The following PRKCB variants were observed in gnomAD, a reference collection of about 807,000 sequenced individuals.
PRKCB encodes protein kinase C beta, also known as protein kinase C beta type.
Under a neutral mutation model 81.5 loss-of-function variants are expected in PRKCB, and 13 were observed. That is an observed-to-expected ratio of 0.16 (90% CI 0.10 to 0.25). PRKCB has a LOEUF of 0.25. PRKCB is among the 10% of genes least tolerant of loss of function. The probability of loss-of-function intolerance (pLI) is 1.00; values close to 1 mark genes in which losing one functional copy is unlikely to be tolerated. For missense variants in PRKCB, 509 were observed against 875.7 expected (o/e 0.58, Z 5.29); for synonymous variants, 335 against 321.4 (o/e 1.04, Z -0.45).
chr16:24,135,078 TAA>T (rs35009249), intron 9 of PRKCB, among the ~76,000 whole-genome samples: 14 of 150,134 alleles, frequency 9.3e-5, no homozygotes, highest in Non-Finnish European at 1.2e-4. Flanking sequence ...CCTTGTGATT[TAA>T]AAAAAAAAAT....
At chr16:24,059,763 A>G (rs963659212) in intron 5 of PRKCB, among the ~76,000 whole-genome samples, 2 of 152,198 alleles carry the variant, frequency 1.3e-5, no homozygotes, top group Non-Finnish European at 2.9e-5. Context: ...GGGAAGAGAG[A>G]ATTCAAGAAA....
At chr16:23,921,588 G>T (rs1963825897) in intron 2 of PRKCB, among the ~76,000 whole-genome samples, 1 of 152,154 alleles carries the variant, frequency 6.6e-6, no homozygotes, top group South Asian at 2.1e-4. Context: ...ATCACTTGAG[G>T]CCAGGAGTTC....
chr16:24,037,998 T>A (rs1031268646), intron 5 of PRKCB, among the ~76,000 whole-genome samples: 6 of 151,792 alleles, frequency 4.0e-5, no homozygotes, highest in African/African-American at 1.5e-4. Flanking sequence ...CTGGGCAACA[T>A]GTCGAAACAT....
intron 2 of PRKCB, among the ~76,000 whole-genome samples, chr16:23,878,406 G>A (rs1199202179): frequency 1.3e-5 from 2 of 152,032 alleles, no homozygotes; most frequent in African/African-American, 2.4e-5. Flanking sequence ...TATAACACAC[G>A]CATGACACAT....
chr16:24,011,511 GT>G (rs889686427), intron 3 of PRKCB, among the ~76,000 whole-genome samples: 10 of 151,992 alleles, frequency 6.6e-5, no homozygotes, highest in African/African-American at 2.4e-4. Context: ...TCATTGTTTT[GT>G]TTTGTTTTAT....
chr16:23,889,488 A>G (rs59523784), intron 2 of PRKCB, among the ~76,000 whole-genome samples: 14,091 of 152,282 alleles, frequency 0.093, 698 homozygotes, highest in Middle Eastern at 0.18. Flanking sequence ...ATCATCTATA[A>G]TAGTCATTAA....
At chr16:24,058,091 T>G (rs1965927449) in intron 5 of PRKCB, among the ~76,000 whole-genome samples, 1 of 152,158 alleles carries the variant, frequency 6.6e-6, no homozygotes, top group African/African-American at 2.4e-5. Flanking sequence ...TATTTTTCCT[T>G]CCTTCTTGCA....
intron 5 of PRKCB, among the ~76,000 whole-genome samples, chr16:24,059,902 A>C (rs1209251631): frequency 6.6e-6 from 1 of 152,182 alleles, no homozygotes; most frequent in Non-Finnish European, 1.5e-5. Context: ...GTGGCATAGT[A>C]GGAGTTAAGA....
At chr16:23,919,220 A>G (rs11074589) in intron 2 of PRKCB, among the ~76,000 whole-genome samples, 146,946 of 152,288 alleles carry the variant, frequency 0.96, 70,936 homozygotes, top group East Asian at 1. Context: ...AGTAGAGAAA[A>G]TTTCTGCACA....
At chr16:23,976,419 G>A (rs1335094759) in intron 2 of PRKCB, among the ~76,000 whole-genome samples, 1 of 152,104 alleles carries the variant, frequency 6.6e-6, no homozygotes, top group East Asian at 1.9e-4. Context: ...CAAAAGTCCT[G>A]AAGCTGATTC....
chr16:24,105,012 T>G (rs1966556346), intron 7 of PRKCB, among the ~76,000 whole-genome samples: 1 of 152,168 alleles, frequency 6.6e-6, no homozygotes. Context: ...TGTCTAATCT[T>G]TCTAAGTCCT....
chr16:23,935,536 C>G (rs549362112), intron 2 of PRKCB, among the ~76,000 whole-genome samples: 1 of 152,012 alleles, frequency 6.6e-6, no homozygotes, highest in Admixed American at 6.5e-5. Context: ...CATATATATC[C>G]CTCCTCCACC....
intron 2 of PRKCB, among the ~76,000 whole-genome samples, chr16:23,847,937 G>A (rs1402212986): frequency 6.6e-6 from 1 of 152,128 alleles, no homozygotes. Flanking sequence ...ACTCCTCCTC[G>A]GACCGGTGAA....
At chr16:24,099,251 C>G (rs1966475689) in intron 7 of PRKCB, 1 of 152,332 alleles carries the variant, frequency 6.6e-6, no homozygotes, top group Admixed American at 6.5e-5. Context: ...TGGACTTAGA[C>G]TTTCTCATGC....
intron 2 of PRKCB, among the ~76,000 whole-genome samples, chr16:23,882,541 C>T (rs1434146090): frequency 6.6e-6 from 1 of 152,126 alleles, no homozygotes; most frequent in Admixed American, 6.5e-5. Flanking sequence ...CCTGGGATGA[C>T]TGGTTTATTT....
intron 3 of PRKCB, among the ~76,000 whole-genome samples, chr16:24,026,761 C>T (rs561939507): frequency 3.5e-4 from 53 of 152,316 alleles, no homozygotes; most frequent in Middle Eastern, 3.4e-3. Context: ...CAGGGCAATA[C>T]TATAAGACTT....
chr16:24,120,799 T>A (rs1427228995), intron 8 of PRKCB, among the ~76,000 whole-genome samples: 1 of 152,072 alleles, frequency 6.6e-6, no homozygotes, highest in East Asian at 1.9e-4. Context: ...AGTGGTGCAA[T>A]CATGGCTCAC....
At chr16:24,194,141 AC>A (rs2141981994) in intron 16 of PRKCB, among the ~76,000 whole-genome samples, 1 of 152,304 alleles carries the variant, frequency 6.6e-6, no homozygotes, top group South Asian at 2.1e-4. Flanking sequence ...AGCCTGGCCA[AC>A]ATAGTGAAAC....
intron 3 of PRKCB, among the ~76,000 whole-genome samples, chr16:24,029,037 C>T (rs1011387674): frequency 1.3e-5 from 2 of 152,146 alleles, no homozygotes; most frequent in East Asian, 1.9e-4. Context: ...GCGATCTGCC[C>T]GCCTCGGCCT....
Sources: allele counts gnomAD v4.1 joint callset (sites outside exome capture counted in the v4.1 genomes callset), GRCh38; gene constraint gnomAD v4.1.1; transcripts MANE v1.5; gene names NCBI Gene and HGNC (gene_info 2026-07-23, HGNC 2026-07-21).